Variants in AARS2 observed in about 807,000 individuals in gnomAD.
The protein encoded by AARS2 is alanyl-tRNA synthetase 2, mitochondrial.
In AARS2, 78 loss-of-function variants were observed where a neutral mutation model predicts 119.7. That is an observed-to-expected ratio of 0.65 (90% CI 0.54 to 0.79). AARS2 has a LOEUF of 0.79. Among genes scored for constraint, AARS2 ranks in the 30% least tolerant of loss-of-function variants. AARS2 has a pLI of 0.00. For missense variants in AARS2, 1,157 were observed against 1,291.3 expected, an observed-to-expected ratio of 0.90 and a Z score of 1.59; for synonymous variants, 502 against 526.3, an observed-to-expected ratio of 0.95 and a Z score of 0.63.
At position 44,313,062 on chromosome 6, in the gene AARS2, A is replaced by G. The variant is rs367781252; in HGVS notation, c.243+19T>C. 7.7e-5 allele frequency: 124 copies of G among 1,612,704 alleles called. No homozygotes were observed. The African/African-American group carries it at 1.5e-3, about 19-fold the overall frequency. On this transcript the variant is annotated intron_variant, in intron 1 of 21. Transcript: ENST00000244571. ...AAACTCACGAACTCCGCTCCCTATCAGTATGGTTCGGCCCTCACCTGGTTC... is the reference window on the plus strand; with the variant it reads ...AAACTCACGAACTCCGCTCCCTATCGGTATGGTTCGGCCCTCACCTGGTTC...
At chr6:44,306,040 C>T (rs953795126) in intron 9 of AARS2, among the ~76,000 whole-genome samples, 2 of 152,108 alleles carry the variant, frequency 1.3e-5, no homozygotes, top group African/African-American at 2.4e-5. Flanking sequence ...AGTCTATGCA[C>T]GAAGCCAACC....
chr6:44,301,422 C>T lies in AARS2; in HGVS notation c.2641G>A (p.Gly881Arg), dbSNP rs911331424. The T allele has an allele frequency of 1.9e-6, 3 of 1,613,950 alleles. No individual in the cohort carries two copies. The highest frequency in any genetic ancestry group is 2.5e-6 in the Non-Finnish European group (3 of 1,180,040). Residue 881 changes from glycine (G) to arginine (R), a missense_variant, in exon 20 of 22, where the codon GGG (glycine) becomes AGG (arginine). Transcript: ENST00000244571. Reference protein sequence around the residue: ...TQELLERHSKGPLIVDTVSAE... With the variant: ...TQELLERHSKRPLIVDTVSAE... ...GAGACTGTGTCCACAATCAGAGGCC[C>T]CTTCGAGTGCCGCTCCAGCAGCTCC...
In AARS2 at chr6:44,302,402, G is replaced by A. The variant is rs759299855; in HGVS notation, c.2476C>T (p.Arg826Ter). Reference protein sequence around the residue: ...EALRLSKDIGRLIEAVETAVM... With the variant: ...EALRLSKDIG ...GGCGTGGCCCTCACTTCAATGAGTCGTCCTATGTCCTTGGACAGCCTCAGT... is the reference window on the plus strand; with the variant it reads ...GGCGTGGCCCTCACTTCAATGAGTCATCCTATGTCCTTGGACAGCCTCAGT... Residue 826 changes from arginine to a stop codon, truncating the protein, a stop_gained, in exon 18 of 22, where the codon CGA becomes TGA. Coordinates refer to ENST00000244571, the MANE Select transcript of AARS2 (RefSeq NM_020745.4). LOFTEE classifies it high-confidence loss of function. The A allele has an allele frequency of 3.7e-6, 6 of 1,614,102 alleles. No homozygotes were observed. The highest frequency in any genetic ancestry group is 1.3e-5 in the African/African-American group (1 of 75,032).
chr6:44,311,185 G>T (rs1786319941), intron 3 of AARS2, 24 bp from the exon 4 acceptor site: 1 of 1,613,914 alleles, frequency 6.2e-7, no homozygotes, highest in South Asian at 1.1e-5. Flanking sequence ...CAGGTGAGTG[G>T]TGGGAGACAG....
At chr6:44,306,259 T>C (rs1785835974) in intron 9 of AARS2, 21 bp downstream of exon 9, 2 of 1,609,106 alleles carry the variant, frequency 1.2e-6, no homozygotes, top group African/African-American at 1.3e-5. Flanking sequence ...CCCTTGTGCA[T>C]GGGCTAGGTA....
chr6:44,298,962 G>A lies in AARS2; in HGVS notation c.*1585C>T, dbSNP rs1785138636. 6.6e-6 allele frequency among the ~76,000 whole-genome samples: 1 copy of A among 152,176 alleles called. No individual in the cohort carries two copies. The highest frequency in any genetic ancestry group is 1.5e-5 in the Non-Finnish European group (1 of 68,038). ...ATTTTCAGCTTCAGCTCAGGCTTGA[G>A]GCAGGTGCTGTACAACTTGTTTTAA... On this transcript the variant is annotated 3_prime_UTR_variant, in exon 22 of 22. Coordinates refer to ENST00000244571, the MANE Select transcript of AARS2 (RefSeq NM_020745.4).
At position 44,303,503 on chromosome 6, in the gene AARS2, A is replaced by G. The variant is rs1038231482; in HGVS notation, c.2008-80T>C. On this transcript the variant is annotated intron_variant, in intron 14 of 21. Coordinates refer to ENST00000244571, the MANE Select transcript of AARS2 (RefSeq NM_020745.4). ...TAACTGATGCATTGAAACACGGTCA[A>G]TGTTCACTGAGCTATCCCCAGGTTC... The G allele has an allele frequency of 1.4e-5, 23 of 1,601,380 alleles. 1 individual carries two copies. The highest frequency in any genetic ancestry group is 9.9e-5 in the South Asian group (9 of 90,742).
Position 44,304,723 on chromosome 6 carries a change from G to A in AARS2, c.1674C>T (p.Leu558=), listed in dbSNP as rs1210362919. ...CTGCGTAGAAGTTGGTCCTGTCCAA[G>A]AGGAGGCCACAGCGCTGGCCTTTCC... ...SVGKGQRCGL[L]LDRTNFYAEQ... The change falls in exon 12 of 22, where the codon CTC becomes CTT. Residue 558 remains leucine, a synonymous_variant. Transcript: ENST00000244571. 1.2e-6 allele frequency: 2 copies of A among 1,614,136 alleles called. No homozygotes were observed. The highest frequency in any genetic ancestry group is 2.7e-5 in the African/African-American group (2 of 74,942).
Position 44,302,176 on chromosome 6 carries a change from G to T in AARS2, c.2488-6C>A. The T allele has an allele frequency of 6.2e-7, 1 of 1,613,948 alleles. No individual in the cohort carries two copies. Among genetic ancestry groups the T allele is most frequent in the South Asian group, 1.1e-5 (1 of 91,078 alleles). Reference sequence around the variant, plus strand: ...ATCACAGCAGTTTCCACAGCCTATGGCCAGAAGCAGTACATCACCCCTGCC... The same window carrying T: ...ATCACAGCAGTTTCCACAGCCTATGTCCAGAAGCAGTACATCACCCCTGCC... On this transcript the variant is annotated splice_polypyrimidine_tract_variant and splice_region_variant and intron_variant, in intron 18 of 21. Coordinates refer to ENST00000244571, the MANE Select transcript of AARS2 (RefSeq NM_020745.4).
In AARS2 at chr6:44,305,211, C is replaced by T. The variant is rs1013161206; in HGVS notation, c.1435-13G>A. 3.1e-6 allele frequency: 5 copies of T among 1,610,002 alleles called. No homozygotes were observed. The Admixed American group carries it at 5.0e-5, about 16-fold the overall frequency. On this transcript the variant is annotated splice_polypyrimidine_tract_variant and intron_variant, in intron 10 of 21. Transcript: ENST00000244571. This position sits in a 1 kb window ranked among gnomAD's most constrained non-coding sequence, Gnocchi z 4.6. ...GCCGTGCCCGGTGCTGCAGGGTGGGCATGGGCATGGAAGAAGTGCATGGAG... is the reference window on the plus strand; with the variant it reads ...GCCGTGCCCGGTGCTGCAGGGTGGGTATGGGCATGGAAGAAGTGCATGGAG...
In AARS2 at chr6:44,305,839, AG is replaced by A; in HGVS notation, c.1301-54del. The A allele has an allele frequency of 6.2e-7, 1 of 1,607,890 alleles. No individual in the cohort carries two copies. The highest frequency in any genetic ancestry group is 1.7e-5 in the Admixed American group (1 of 59,912). ...GAGGAGGGGAGGGATTAGACAAAGAAGGGGAGAAAAATAAGGTCCAGGGCCC... is the reference window on the plus strand; with the variant it reads ...GAGGAGGGGAGGGATTAGACAAAGAAGGGAGAAAAATAAGGTCCAGGGCCC... On this transcript the variant is annotated intron_variant, in intron 9 of 21. Transcript: ENST00000244571. This position sits in a 1 kb window ranked among gnomAD's most constrained non-coding sequence, Gnocchi z 4.6.
In AARS2 at chr6:44,310,462, C is replaced by G; in HGVS notation, c.750-19G>C. On this transcript the variant is annotated intron_variant, in intron 4 of 21. Coordinates refer to ENST00000244571, the MANE Select transcript of AARS2 (RefSeq NM_020745.4). ...TGCCTCTCTGGCCAGGGAAGGTGTG[C>G]AAGGTGAGGCCCCACCCAGGATTAC... 6.2e-7 allele frequency: 1 copy of G among 1,612,204 alleles called. No individual in the cohort carries two copies. The highest frequency in any genetic ancestry group is 8.5e-7 in the Non-Finnish European group (1 of 1,179,852).
At position 44,300,655 on chromosome 6, in the gene AARS2, C is replaced by A. The variant is rs1554147408; in HGVS notation, c.2850G>T (p.Met950Ile). 3 of 1,613,846 alleles carry A rather than the reference C, an allele frequency of 1.9e-6. No individual in the cohort carries two copies. In the African/African-American group the frequency reaches 4.0e-5, roughly 21 times the overall value. ...EAWALAVCSH[M>I]GGKAWGSRVV... Reference sequence around the variant, plus strand: ...CTCGTGAGCCCCACGCCTTGCCCCCCATGTGGCTGCACACTGCCAGTGCCC... The same window carrying A: ...CTCGTGAGCCCCACGCCTTGCCCCCAATGTGGCTGCACACTGCCAGTGCCC... Residue 950 changes from methionine (M) to isoleucine (I), a missense_variant, in exon 22 of 22, where the codon ATG becomes ATT. Met to Ile is a conservative substitution (Grantham distance 10). Coordinates refer to ENST00000244571, the MANE Select transcript of AARS2 (RefSeq NM_020745.4).
intron 5 of AARS2, among the ~76,000 whole-genome samples, chr6:44,308,221 C>T (rs532556903): frequency 1.3e-5 from 2 of 152,166 alleles, no homozygotes; most frequent in South Asian, 2.1e-4. Flanking sequence ...ATCCTCCACA[C>T]AGCAACAGGA....
In AARS2 at chr6:44,299,333, G is replaced by C. The variant is rs996284919; in HGVS notation, c.*1214C>G. On this transcript the variant is annotated 3_prime_UTR_variant, in exon 22 of 22. Transcript: ENST00000244571. ...TGCAATCATAGCTCACTGCGGCCTT[G>C]AATTCCTGGGCAAAGTGATTTTCCC... Among the ~76,000 whole-genome samples the C allele has an allele frequency of 6.6e-6, 1 of 151,882 alleles. No individual in the cohort carries two copies. The highest frequency in any genetic ancestry group is 1.5e-5 in the Non-Finnish European group (1 of 68,010).
rs990173391 is a variant in AARS2, at chr6:44,300,476, A to G, written c.*71T>C. On this transcript the variant is annotated 3_prime_UTR_variant, in exon 22 of 22. Transcript: ENST00000244571. Reference sequence around the variant, plus strand: ...TCTAGTCCTCGCTTCAGCATGTGGGAAGGTTCTGCTGGCTCCTTCAGGGCT... The same window carrying G: ...TCTAGTCCTCGCTTCAGCATGTGGGGAGGTTCTGCTGGCTCCTTCAGGGCT... The G allele has an allele frequency of 3.1e-6, 5 of 1,603,250 alleles. No individual in the cohort carries two copies. Among genetic ancestry groups the G allele is most frequent in the Non-Finnish European group, 4.3e-6 (5 of 1,171,714 alleles).
chr6:44,313,024 C>A, intron 1 of AARS2, 57 bp downstream of exon 1: 4 of 1,607,406 alleles, frequency 2.5e-6, no homozygotes, highest in Non-Finnish European at 3.4e-6. Flanking sequence ...CCTGCAGCGT[C>A]TTTCTCACCA....
At chr6:44,310,492 G>A in intron 4 of AARS2, 49 bp from the exon 5 acceptor site, 1 of 1,607,850 alleles carries the variant, frequency 6.2e-7, no homozygotes, top group Non-Finnish European at 8.5e-7. Flanking sequence ...GATTACAGGT[G>A]TGAGACAGAT....
At chr6:44,310,601 T>A (rs550638256) in intron 4 of AARS2, among the ~76,000 whole-genome samples, 158 bp from the exon 5 acceptor site, 7 of 152,386 alleles carry the variant, frequency 4.6e-5, no homozygotes, top group African/African-American at 1.7e-4. Flanking sequence ...CAATAGCAGA[T>A]GATGATGGCC....
Sources: gnomAD v4.1 joint callset for allele counts (sites outside exome capture counted in the v4.1 genomes callset) on GRCh38, gnomAD v4.1.1 for gene constraint, Gnocchi (gnomAD v3.1) non-coding constraint, MANE v1.5 for transcripts, NCBI Gene and HGNC (gene_info 2026-07-23, HGNC 2026-07-21) for gene names.